Variants in FHIT observed in about 807,000 individuals in gnomAD.
FHIT encodes the protein fragile histidine triad diadenosine triphosphatase, also known as bis(5'-adenosyl)-triphosphatase.
A neutral mutation model predicts 17.9 loss-of-function variants in FHIT; 19 were observed. The observed-to-expected ratio is 1.06, with a 90% CI of 0.74 to 1.56. FHIT has a LOEUF of 1.56. FHIT is among the 40% of genes most tolerant of loss of function. The pLI is 0.00. For missense variants in FHIT, 248 were observed against 189.2 expected, an observed-to-expected ratio of 1.31 and a Z score of -1.82; for synonymous variants, 81 against 69.7, an observed-to-expected ratio of 1.16 and a Z score of -0.81.
At chr3:60,832,659 T>G (rs557560099) in intron 3 of FHIT, among the ~76,000 whole-genome samples, 15 of 151,902 alleles carry the variant, frequency 9.9e-5, no homozygotes, top group African/African-American at 3.6e-4. Flanking sequence ...CCCTTTGTGT[T>G]GATAATGTGC....
At chr3:60,308,759 C>T (rs1708804139) in intron 5 of FHIT, among the ~76,000 whole-genome samples, 1 of 152,116 alleles carries the variant, frequency 6.6e-6, no homozygotes, top group Non-Finnish European at 1.5e-5. Context: ...TCATCTATCA[C>T]ATCACTCCTA....
At chr3:60,606,822 T>C (rs1245103897) in intron 4 of FHIT, among the ~76,000 whole-genome samples, 1 of 152,162 alleles carries the variant, frequency 6.6e-6, no homozygotes, top group African/African-American at 2.4e-5. Flanking sequence ...CTTGATACTT[T>C]CCTGTTTCTA....
intron 5 of FHIT, among the ~76,000 whole-genome samples, chr3:60,314,014 A>G (rs933674247): frequency 6.6e-6 from 1 of 152,358 alleles, no homozygotes; most frequent in African/African-American, 2.4e-5. Flanking sequence ...TTGTGTGCAC[A>G]CATTGCTTTC....
intron 3 of FHIT, among the ~76,000 whole-genome samples, chr3:60,965,330 G>A (rs377562475): frequency 5.2e-4 from 79 of 152,224 alleles, no homozygotes; most frequent in South Asian, 2.1e-3. Context: ...TTAGCGATTC[G>A]TCTAATCTTT....
intron 3 of FHIT, among the ~76,000 whole-genome samples, chr3:60,902,290 G>C (rs531044888): frequency 9.9e-5 from 15 of 152,254 alleles, no homozygotes; most frequent in Middle Eastern, 3.4e-3. Flanking sequence ...TTAGTGTAAA[G>C]CATTTGAGAT....
At chr3:60,230,217 G>A (rs1704425776) in intron 5 of FHIT, among the ~76,000 whole-genome samples, 1 of 152,130 alleles carries the variant, frequency 6.6e-6, no homozygotes, top group African/African-American at 2.4e-5. Flanking sequence ...GAACAGACCA[G>A]ATAAAAGAGC....
intron 5 of FHIT, among the ~76,000 whole-genome samples, chr3:60,439,382 C>T (rs1279342763): frequency 4.6e-5 from 7 of 152,086 alleles, no homozygotes; most frequent in African/African-American, 1.7e-4. Context: ...AACTAGAAGT[C>T]CTAACTGATT....
intron 5 of FHIT, among the ~76,000 whole-genome samples, chr3:60,202,149 G>A (rs1175843150): frequency 6.6e-6 from 1 of 152,218 alleles, no homozygotes; most frequent in Non-Finnish European, 1.5e-5. Flanking sequence ...GAGGAAGATA[G>A]CTGGAATTTT....
At chr3:60,374,203 G>C (rs1407037652) in intron 5 of FHIT, among the ~76,000 whole-genome samples, 1 of 151,970 alleles carries the variant, frequency 6.6e-6, no homozygotes, top group African/African-American at 2.4e-5. Context: ...CTAACTAAAG[G>C]AGAATTAATA....
chr3:60,400,540 T>C (rs1161520068), intron 5 of FHIT, among the ~76,000 whole-genome samples: 3 of 152,014 alleles, frequency 2.0e-5, no homozygotes, highest in Non-Finnish European at 4.4e-5. Flanking sequence ...CTGGGGCTTG[T>C]AGGGATATGT....
chr3:60,550,329 T>C (rs1559531536), intron 4 of FHIT, among the ~76,000 whole-genome samples: 1 of 151,862 alleles, frequency 6.6e-6, no homozygotes. Flanking sequence ...AAGAGGATCC[T>C]AGAAGAAGAT....
intron 4 of FHIT, among the ~76,000 whole-genome samples, chr3:60,547,166 A>C (rs1206909655): frequency 1.3e-5 from 2 of 152,212 alleles, no homozygotes; most frequent in African/African-American, 2.4e-5. Context: ...CAGATAAGTA[A>C]AATTGCTGAA....
intron 4 of FHIT, among the ~76,000 whole-genome samples, chr3:60,564,572 A>G (rs542132552): frequency 9.2e-5 from 14 of 152,310 alleles, no homozygotes; most frequent in African/African-American, 3.4e-4. Context: ...GGAGGTCAAC[A>G]TGAACATAGT....
intron 4 of FHIT, among the ~76,000 whole-genome samples, chr3:60,555,803 C>A (rs372691823): frequency 1.3e-5 from 2 of 152,158 alleles, no homozygotes; most frequent in African/African-American, 4.8e-5. Flanking sequence ...AGACTGAGAC[C>A]GGCACCTGAA....
At chr3:59,806,634 TTATATA>T (rs1292106144) in intron 8 of FHIT, among the ~76,000 whole-genome samples, 2 of 148,532 alleles carry the variant, frequency 1.3e-5, no homozygotes, top group African/African-American at 2.5e-5. Flanking sequence ...GGTACAGGGT[TTATATA>T]TATATATACA....
intron 4 of FHIT, among the ~76,000 whole-genome samples, chr3:60,807,938 A>T (rs954497293): frequency 2.6e-5 from 4 of 152,250 alleles, no homozygotes; most frequent in Non-Finnish European, 5.9e-5. Context: ...ACTAGCAGGA[A>T]TCATCCTCCA....
chr3:59,895,211 T>C (rs1704017656), intron 8 of FHIT, among the ~76,000 whole-genome samples: 1 of 152,190 alleles, frequency 6.6e-6, no homozygotes, highest in Admixed American at 6.5e-5. Flanking sequence ...GACTGAGAAA[T>C]CCTGGATTAG....
chr3:60,009,593 G>C (rs1193990795), intron 7 of FHIT, among the ~76,000 whole-genome samples: 3 of 151,212 alleles, frequency 2.0e-5, no homozygotes, highest in Non-Finnish European at 4.4e-5. Flanking sequence ...AGCCCAGCTA[G>C]GCTCACTGCT....
chr3:60,368,939 C>T (rs898770776), intron 5 of FHIT, among the ~76,000 whole-genome samples: 4 of 151,882 alleles, frequency 2.6e-5, no homozygotes, highest in Non-Finnish European at 5.9e-5. Flanking sequence ...GCTGTTAACT[C>T]CATTCAGTAT....
Sources: gnomAD v4.1 joint callset for allele counts (sites outside exome capture counted in the v4.1 genomes callset) on GRCh38, gnomAD v4.1.1 for gene constraint, MANE v1.5 for transcripts, NCBI Gene and HGNC (gene_info 2026-07-23, HGNC 2026-07-21) for gene names.